Variants in SGK3 observed in about 807,000 individuals in gnomAD.
SGK3 encodes the protein serum/glucocorticoid regulated kinase family member 3.
Under a neutral mutation model 68.5 loss-of-function variants are expected in SGK3, and 47 were observed. The ratio of observed to expected loss-of-function variants is 0.69; its 90% CI spans 0.54 to 0.87. The LOEUF is 0.87. Ranked by LOEUF, SGK3 falls within the 40% of genes least tolerant of loss-of-function variation. The pLI, the probability that SGK3 is intolerant of heterozygous loss-of-function variation, is 0.00. For synonymous variants in SGK3, 181 were observed against 189.1 expected (o/e 0.96, Z 0.35); for missense variants, 479 against 575.5 (o/e 0.83, Z 1.72).
intron 1 of SGK3, among the ~76,000 whole-genome samples, chr8:66,717,389 G>T (rs1056029055): frequency 6.8e-6 from 1 of 146,460 alleles, no homozygotes; most frequent in Non-Finnish European, 1.5e-5. Context: ...ATTAGCTGGG[G>T]ATGGTGGCGC....
chr8:66,730,950 G>T (rs376070083), intron 1 of SGK3, among the ~76,000 whole-genome samples: 2 of 152,154 alleles, frequency 1.3e-5, no homozygotes, highest in African/African-American at 4.8e-5. Context: ...GTCTCCCAAA[G>T]TGCTGGGGTT....
At chr8:66,744,515 ATATATTTTTT>A (rs1264669984) in intron 1 of SGK3, among the ~76,000 whole-genome samples, 1 of 22,474 alleles carries the variant, frequency 4.4e-5, no homozygotes, top group East Asian at 1.3e-3. Context: ...ATATATATAT[ATATATTTTTT>A]TTTTTTTTTT....
chr8:66,723,127 A>ATTTTTTTT (rs1563595366), intron 1 of SGK3, among the ~76,000 whole-genome samples: 1 of 49,392 alleles, frequency 2.0e-5, no homozygotes, highest in Non-Finnish European at 3.8e-5. Context: ...ATATATATAT[A>ATTTTTTTT]TATATTTTTT....
At position 66,816,022 on chromosome 8, in the gene SGK3, C is replaced by T. The variant is rs1311465433; in HGVS notation, c.329+2094C>T. On this transcript the variant is annotated intron_variant, in intron 5 of 16. Coordinates refer to ENST00000521198, the MANE Select transcript of SGK3 (RefSeq NM_001033578.3). ...TTTAAACTTAATTTTTTTTTTGAGA[C>T]GGAGTCTCACTGTGTCGCCCAGGCT... 3.3e-5 allele frequency among the ~76,000 whole-genome samples: 5 copies of T among 152,012 alleles called. No individual in the cohort carries two copies. The East Asian group carries it at 7.7e-4, about 23-fold the overall frequency.
intron 10 of SGK3, among the ~76,000 whole-genome samples, chr8:66,836,521 A>G (rs564177317): frequency 6.6e-6 from 1 of 152,018 alleles, no homozygotes; most frequent in East Asian, 1.9e-4. Context: ...CGCACCTTTA[A>G]TCTCAGCTAC....
Position 66,859,503 on chromosome 8 carries a change from G to C in SGK3, c.1413G>C (p.Val471=), listed in dbSNP as rs766611960. The C allele has an allele frequency of 6.2e-7, 1 of 1,613,708 alleles. No homozygotes were observed. Among genetic ancestry groups the C allele is most frequent in the East Asian group, 2.2e-5 (1 of 44,858 alleles). Residue 471 remains valine (V), a synonymous_variant, in exon 17 of 17, where the codon GTG becomes GTC. Coordinates refer to ENST00000521198, the MANE Select transcript of SGK3 (RefSeq NM_001033578.3). ...SVCVSSDYSI[V]NASVLEADDA... is the part of the protein sequence containing the mutation. ...GTGTATCTTCTGACTATTCTATAGT[G>C]AATGCCAGTGTATTGGAGGCAGATG...
chr8:66,829,937 A>G (rs374517629), intron 7 of SGK3, among the ~76,000 whole-genome samples: 1 of 150,946 alleles, frequency 6.6e-6, no homozygotes, highest in Non-Finnish European at 1.5e-5. Flanking sequence ...CAGTGGTGCA[A>G]TCTCCACTCA....
chr8:66,732,206 A>G (rs1167663846), intron 1 of SGK3, among the ~76,000 whole-genome samples: 1 of 152,186 alleles, frequency 6.6e-6, no homozygotes, highest in Non-Finnish European at 1.5e-5. Flanking sequence ...GCCATGTGAG[A>G]TCTAGTTGGT....
chr8:66,857,859 A>G (rs1461975058), intron 16 of SGK3, among the ~76,000 whole-genome samples: 1 of 144,698 alleles, frequency 6.9e-6, no homozygotes, highest in Admixed American at 7.1e-5. Flanking sequence ...GGTAGAGTCT[A>G]TTAGCTTGTA....
chr8:66,840,207 A>T lies in SGK3; in HGVS notation c.855-4A>T. 1 of 1,594,082 alleles carries T rather than the reference A, an allele frequency of 6.3e-7. No homozygotes were observed. Among genetic ancestry groups the T allele is most frequent in the Non-Finnish European group, 8.5e-7 (1 of 1,171,340 alleles). The stretch of plus-strand genomic sequence containing the variant: ...TTTGCGTTTCTTTCCTTTTAATTTG[A>T]TAGAGACTTGAAACCAGAAAATATT... On this transcript the variant is annotated splice_polypyrimidine_tract_variant and splice_region_variant and intron_variant, in intron 11 of 16. Transcript: ENST00000521198.
At chr8:66,754,501 G>C (rs1369547097) in intron 1 of SGK3, among the ~76,000 whole-genome samples, 1 of 152,156 alleles carries the variant, frequency 6.6e-6, no homozygotes. Context: ...GGAACAGGAA[G>C]TGTTTTGGAT....
intron 1 of SGK3, among the ~76,000 whole-genome samples, chr8:66,740,301 G>A (rs898782785): frequency 3.3e-5 from 5 of 152,114 alleles, no homozygotes; most frequent in African/African-American, 1.2e-4. Flanking sequence ...AGAAAAATGT[G>A]ATTTGGTTCT....
chr8:66,826,936 C>T (rs1007118041), intron 6 of SGK3, among the ~76,000 whole-genome samples: 2 of 152,022 alleles, frequency 1.3e-5, no homozygotes, highest in Non-Finnish European at 2.9e-5. Context: ...TGAGCCACCA[C>T]TCCCGTTCAG....
chr8:66,806,466 G>C (rs1808168305), intron 4 of SGK3, among the ~76,000 whole-genome samples: 1 of 152,184 alleles, frequency 6.6e-6, no homozygotes, highest in South Asian at 2.1e-4. Context: ...CTGTAGACCT[G>C]TGGCTTTTGT....
intron 1 of SGK3, among the ~76,000 whole-genome samples, chr8:66,760,330 C>CTTTTTTTTT (rs201559163): frequency 1.6e-4 from 19 of 115,646 alleles, no homozygotes; most frequent in Non-Finnish European, 2.4e-4. Context: ...TTTCTTTTTT[C>CTTTTTTTTT]TTTTTTTTTT....
At position 66,804,385 on chromosome 8, in the gene SGK3, A is replaced by G. The variant is rs149355530; in HGVS notation, c.191A>G (p.Gln64Arg). 47 of 1,608,584 alleles carry G rather than the reference A, an allele frequency of 2.9e-5. No homozygotes were observed. Among genetic ancestry groups the G allele is most frequent in the Non-Finnish European group, 3.9e-5 (46 of 1,178,664 alleles). The stretch of plus-strand genomic sequence containing the variant: ...TTTTAAAAATTTTAGTTAAAAAAAC[A>G]GTTTCCTGCTATGGCCCTGAAGATT... ...FDKLYNTLKKQFPAMALKIPA... is the reference protein window; with the variant it reads ...FDKLYNTLKKRFPAMALKIPA... Residue 64 changes from glutamine to arginine, a missense_variant, in exon 4 of 17, where the codon CAG (glutamine) becomes CGG (arginine). This residue lies in a region of SGK3 where 298 missense variants were observed against 329.4 expected (regional missense o/e 0.90). Transcript: ENST00000521198.
chr8:66,854,068 A>G (rs1448399082), intron 16 of SGK3, among the ~76,000 whole-genome samples: 2 of 152,198 alleles, frequency 1.3e-5, no homozygotes, highest in African/African-American at 2.4e-5. Context: ...TATGTTGGGT[A>G]CACCCAGGTT....
intron 16 of SGK3, among the ~76,000 whole-genome samples, chr8:66,854,630 G>A (rs944704432): frequency 2.6e-5 from 4 of 152,044 alleles, no homozygotes; most frequent in African/African-American, 9.7e-5. Flanking sequence ...TAAGTGTTAA[G>A]GGATTGGGTG....
chr8:66,755,972 C>T (rs1196157378), intron 1 of SGK3, among the ~76,000 whole-genome samples: 7 of 152,106 alleles, frequency 4.6e-5, no homozygotes, highest in Non-Finnish European at 8.8e-5. Context: ...ATTGTGTCCC[C>T]TCAAATTCAT....
Sources: allele counts gnomAD v4.1 joint callset (sites outside exome capture counted in the v4.1 genomes callset), GRCh38; gene constraint gnomAD v4.1.1; regional missense constraint gnomAD v4.1.1; transcripts MANE v1.5; gene names NCBI Gene and HGNC (gene_info 2026-07-23, HGNC 2026-07-21).